Variants in PLAC1 observed in about 807,000 individuals in gnomAD.
PLAC1 encodes placenta associated 1, also known as placenta-specific protein 1.
For synonymous variants in PLAC1, 68 were observed against 62.1 expected (o/e 1.09, Z -0.44); for missense variants, 136 against 163.2 (o/e 0.83, Z 0.91).
intron 1 of PLAC1, among the ~76,000 whole-genome samples, chrX:134,637,042 T>G (rs1002321827): frequency 8.0e-5 from 9 of 112,190 alleles, no homozygotes; most frequent in Non-Finnish European, 1.5e-4. Flanking sequence ...ATGAAAGCAG[T>G]GAGTCAGCAA....
chrX:134,586,670 C>CTTTTTTTTTTTT (rs765675891), intron 2 of PLAC1, among the ~76,000 whole-genome samples: 3 of 91,082 alleles, frequency 3.3e-5, no homozygotes, highest in Non-Finnish European at 4.4e-5. Context: ...TTTTTCTTTT[C>CTTTTTTTTTTTT]TTTTTTTTTT....
chrX:134,608,276 C>T (rs1402969493), intron 1 of PLAC1, among the ~76,000 whole-genome samples: 1 of 111,867 alleles, frequency 8.9e-6, no homozygotes, highest in Non-Finnish European at 1.9e-5. Context: ...TTGAAACAAT[C>T]CAAATGTTCA....
rs1189777595 is a variant in PLAC1 at position 134,739,031 on chromosome X, G to C, written n.90-5512C>G. Among the ~76,000 whole-genome samples, 6 of 112,480 alleles carry C rather than the reference G, an allele frequency of 5.3e-5. 1 individual carries two copies. In the Admixed American group the frequency reaches 5.6e-4, roughly 11 times the overall value. On this transcript the variant is annotated intron_variant and non_coding_transcript_variant, in intron 1 of 2. Coordinates refer to the PLAC1 transcript ENST00000466797. ...GGTAAAATTTATCATTGTAGATTCT[G>C]TTGCCTTGTTATCCTGAAGTATAAC...
At chrX:134,606,500 A>G (rs1343340223) in intron 1 of PLAC1, among the ~76,000 whole-genome samples, 2 of 111,922 alleles carry the variant, frequency 1.8e-5, no homozygotes, top group African/African-American at 3.2e-5. Context: ...ACCAGTCAGA[A>G]TGGCTATAAT....
chrX:134,687,869 G>T (rs1297869616), intron 2 of PLAC1, among the ~76,000 whole-genome samples: 4 of 51,175 alleles, frequency 7.8e-5, no homozygotes, highest in African/African-American at 3.5e-4. Context: ...TATATATATA[G>T]CACCTAGCAC....
chrX:134,571,009 G>C lies in PLAC1; in HGVS notation c.-58-4269C>G, dbSNP rs1206520477. The stretch of plus-strand genomic sequence containing the variant: ...GAAAAATGCCAGTGTTTATGTTTAA[G>C]AGCTATCTATATCAGTCACTGACAG... On this transcript the variant is annotated intron_variant, in intron 2 of 2. Transcript: ENST00000359237. 2.7e-5 allele frequency among the ~76,000 whole-genome samples: 3 copies of C among 111,871 alleles called. No individual in the cohort carries two copies. The East Asian group carries it at 8.4e-4, about 31-fold the overall frequency.
At chrX:134,726,821 C>CAAAAA (rs749819041) in intron 2 of PLAC1, among the ~76,000 whole-genome samples, 4 of 42,809 alleles carry the variant, frequency 9.3e-5, no homozygotes, top group Admixed American at 3.6e-4. Context: ...GACTCTGTCT[C>CAAAAA]AAAAAAAAAA....
At chrX:134,720,852 C>T (rs1431494407) in intron 2 of PLAC1, among the ~76,000 whole-genome samples, 1 of 111,886 alleles carries the variant, frequency 8.9e-6, no homozygotes, top group Non-Finnish European at 1.9e-5. Flanking sequence ...GAGATGGGCT[C>T]TCACTATGTT....
chrX:134,750,893 ATATATT>A (rs2078742156), intron 1 of PLAC1, among the ~76,000 whole-genome samples: 2 of 9,663 alleles, frequency 2.1e-4, no homozygotes, highest in South Asian at 5.8e-3. Context: ...ATATATATAT[ATATATT>A]TATATATATA....
At chrX:134,666,795 G>A (rs1259591160) in intron 2 of PLAC1, among the ~76,000 whole-genome samples, 2 of 111,672 alleles carry the variant, frequency 1.8e-5, no homozygotes, top group Non-Finnish European at 3.8e-5. Context: ...GTGCTAGGCT[G>A]AGATATTGGG....
At chrX:134,617,035 C>T (rs1475829868) in intron 1 of PLAC1, among the ~76,000 whole-genome samples, 1 of 108,592 alleles carries the variant, frequency 9.2e-6, no homozygotes, top group African/African-American at 3.4e-5. Context: ...TTTGCCCAGT[C>T]AGGAGTGCAC....
At chrX:134,630,098 A>T (rs778580167) in intron 1 of PLAC1, among the ~76,000 whole-genome samples, 23 of 107,043 alleles carry the variant, frequency 2.1e-4, no homozygotes, top group Non-Finnish European at 3.6e-4. Context: ...CAGACTCCTG[A>T]GTAGCTGGGA....
intron 2 of PLAC1, among the ~76,000 whole-genome samples, chrX:134,672,676 A>G (rs180933568): frequency 1.8e-3 from 200 of 112,829 alleles, no homozygotes; most frequent in African/African-American, 5.9e-3. Flanking sequence ...CATAAGTCAT[A>G]AATGTTACCC....
intron 2 of PLAC1, among the ~76,000 whole-genome samples, chrX:134,576,880 C>G (rs1400408826): frequency 9.0e-6 from 1 of 111,663 alleles, no homozygotes; most frequent in Non-Finnish European, 1.9e-5. Flanking sequence ...CACAATATGG[C>G]CCTGCTGACA....
rs757706936 is a variant in PLAC1 at position 134,581,335 on chromosome X, T to TG, written c.-58-14596dup. On this transcript the variant is annotated intron_variant, in intron 2 of 2. Coordinates refer to ENST00000359237, the MANE Select transcript of PLAC1 (RefSeq NM_021796.4). ...TAATTTGTAAAAACTGGAAAAAGGG[T>TG]GGGGGGCACTTACTGAGTTTGAAGA... is the stretch of plus-strand genomic sequence containing the variant. Among the ~76,000 whole-genome samples the TG allele has an allele frequency of 7.0e-3, 770 of 110,447 alleles. 5 individuals are homozygous for TG. The highest frequency in any genetic ancestry group is 0.015 in the East Asian group (53 of 3,518).
At chrX:134,578,657 G>A (rs763796209) in intron 2 of PLAC1, among the ~76,000 whole-genome samples, 1 of 105,690 alleles carries the variant, frequency 9.5e-6, no homozygotes, top group African/African-American at 3.5e-5. Context: ...AGCTGGGATC[G>A]CCTGGCTACT....
chrX:134,726,821 CA>C (rs749819041), intron 2 of PLAC1, among the ~76,000 whole-genome samples: 146 of 42,811 alleles, frequency 3.4e-3, no homozygotes, highest in Admixed American at 0.01. Flanking sequence ...GACTCTGTCT[CA>C]AAAAAAAAAA....
intron 2 of PLAC1, among the ~76,000 whole-genome samples, chrX:134,694,997 T>G (rs1237256340): frequency 8.9e-6 from 1 of 112,292 alleles, no homozygotes; most frequent in Admixed American, 9.4e-5. Context: ...ACCTCATTCT[T>G]TTTAATGTTT....
At chrX:134,611,579 G>GTA (rs1397498864) in intron 1 of PLAC1, among the ~76,000 whole-genome samples, 17 of 106,178 alleles carry the variant, frequency 1.6e-4, no homozygotes, top group African/African-American at 2.1e-4. Flanking sequence ...ATATACATAT[G>GTA]TATATATATA....
Sources: allele counts gnomAD v4.1 joint callset (sites outside exome capture counted in the v4.1 genomes callset), GRCh38; gene constraint gnomAD v4.1.1; transcripts MANE v1.5; gene names NCBI Gene and HGNC (gene_info 2026-07-23, HGNC 2026-07-21).